Variants in UQCRFS1 observed in about 807,000 individuals in gnomAD.
UQCRFS1 encodes ubiquinol-cytochrome c reductase, Rieske iron-sulfur polypeptide 1, also known as cytochrome b-c1 complex subunit Rieske, mitochondrial.
In UQCRFS1, 6 loss-of-function variants were observed where a neutral mutation model predicts 15.6. The ratio of observed to expected loss-of-function variants is 0.38; its 90% CI spans 0.21 to 0.76. The LOEUF (loss-of-function observed/expected upper bound fraction) is 0.76, where lower values mean the gene tolerates loss of function less well. UQCRFS1 is among the 30% of genes least tolerant of loss of function. The pLI is 0.44. For missense variants in UQCRFS1, 203 were observed against 366.7 expected (o/e 0.55, Z 3.65); for synonymous variants, 105 against 154.3 (o/e 0.68, Z 2.37).
Position 29,213,138 on chromosome 19 carries a change from G to A in UQCRFS1, c.-20C>T. ...CAACATGGCGACAGCCGCTCCAACC[G>A]CCAAGCCGGTCACAGGGACGACCTT... is the stretch of plus-strand genomic sequence containing the variant. On this transcript the variant is annotated 5_prime_UTR_variant, in exon 1 of 2. Transcript: ENST00000304863. 2 of 1,519,536 alleles carry A rather than the reference G, an allele frequency of 1.3e-6. No individual in the cohort carries two copies. The highest frequency in any genetic ancestry group is 1.8e-6 in the Non-Finnish European group (2 of 1,139,572). The allele number at this position is 1,519,536 out of a possible 1,614,324, so 94.1% of individuals were successfully genotyped here. A position where few individuals can be genotyped will look rare whatever the true frequency, so the allele number is the denominator to read the frequency against.
chr19:29,212,768 G>T, intron 1 of UQCRFS1, 137 bp downstream of exon 1: 1 of 932,794 alleles, frequency 1.1e-6, no homozygotes, highest in Non-Finnish European at 1.4e-6. Flanking sequence ...CGGGGGCCAG[G>T]CCCAGAGTTG....
At position 29,211,731 on chromosome 19, in the gene UQCRFS1, T is replaced by C. The variant is rs139735709; in HGVS notation, c.214+1174A>G. On this transcript the variant is annotated intron_variant, in intron 1 of 1. Coordinates refer to ENST00000304863, the MANE Select transcript of UQCRFS1 (RefSeq NM_006003.3). ...TGGGTAAGGAAAACATATGGACATG[T>C]AGCAACTTAGTGGAAGGACCATGAA... 8.0e-3 allele frequency among the ~76,000 whole-genome samples: 1,220 copies of C among 152,246 alleles called. 12 individuals are homozygous for C. The highest frequency in any genetic ancestry group is 0.011 in the Non-Finnish European group (772 of 68,032).
At chr19:29,208,641 G>A (rs910548519) in intron 1 of UQCRFS1, among the ~76,000 whole-genome samples, 1 of 152,010 alleles carries the variant, frequency 6.6e-6, no homozygotes, top group Admixed American at 6.5e-5. Flanking sequence ...CCTTATTAAG[G>A]CAAATGTCTG....
rs112083130 is a variant in UQCRFS1 at position 29,206,264 on chromosome 19, A to G, written c.*1284T>C. ...CTAGAATGGTAAAAATGAAGCAAAG[A>G]CTAGTATCTACTCATAAGCATAGAA... On this transcript the variant is annotated 3_prime_UTR_variant, in exon 2 of 2. Coordinates refer to ENST00000304863, the MANE Select transcript of UQCRFS1 (RefSeq NM_006003.3). 38 of 152,338 alleles carry G rather than the reference A, an allele frequency of 2.5e-4. No individual in the cohort carries two copies. Among genetic ancestry groups the G allele is most frequent in the African/African-American group, 7.9e-4 (33 of 41,574 alleles). 9.4% of individuals were successfully genotyped at this position (152,338 alleles called of 1,614,324 possible). A position where few individuals can be genotyped will look rare whatever the true frequency, so the allele number is the denominator to read the frequency against.
At chr19:29,208,227 A>G in intron 1 of UQCRFS1, 69 bp from the exon 2 acceptor site, 1 of 1,506,602 alleles carries the variant, frequency 6.6e-7, no homozygotes, top group Non-Finnish European at 8.8e-7. Flanking sequence ...ATATCAGGAA[A>G]TAGCCCTTTA....
At chr19:29,212,783 G>A in intron 1 of UQCRFS1, 122 bp downstream of exon 1, 1 of 1,101,134 alleles carries the variant, frequency 9.1e-7, no homozygotes, top group East Asian at 3.3e-5. Flanking sequence ...GAGTTGCGGA[G>A]GCCGCCCAGC....
At chr19:29,211,226 A>C (rs1432304731) in intron 1 of UQCRFS1, among the ~76,000 whole-genome samples, 2 of 152,052 alleles carry the variant, frequency 1.3e-5, no homozygotes, top group Admixed American at 1.3e-4. Context: ...GAAGGACATG[A>C]ACAGACACTT....
intron 1 of UQCRFS1, among the ~76,000 whole-genome samples, chr19:29,211,630 G>C (rs781141062): frequency 3.6e-4 from 55 of 152,228 alleles, no homozygotes; most frequent in Non-Finnish European, 6.6e-4. Flanking sequence ...AGAGTGTAAA[G>C]TGTATGTGCT....
In UQCRFS1 at chr19:29,206,134, AC is replaced by A. The variant is rs1182380069; in HGVS notation, c.*1413del. 1 of 152,006 alleles carries A rather than the reference AC, an allele frequency of 6.6e-6. No homozygotes were observed. Among genetic ancestry groups the A allele is most frequent in the African/African-American group, 2.4e-5 (1 of 41,372 alleles). The allele number at this position is 152,006 out of a possible 1,614,324, so 9.4% of individuals were successfully genotyped here. ...GTTTCACATTCCAACTCTGCCACCA[AC>A]CCTTCCTCCAACCCCCAATCCGAAG... On this transcript the variant is annotated 3_prime_UTR_variant, in exon 2 of 2. Transcript: ENST00000304863.
At chr19:29,208,505 A>C (rs973480372) in intron 1 of UQCRFS1, among the ~76,000 whole-genome samples, 1 of 152,196 alleles carries the variant, frequency 6.6e-6, no homozygotes, top group African/African-American at 2.4e-5. Context: ...GTAATAACTC[A>C]AAGTTTCCGA....
At position 29,206,585 on chromosome 19, in the gene UQCRFS1, T is replaced by C. The variant is rs1246441147; in HGVS notation, c.*963A>G. 1 of 152,212 alleles carries C rather than the reference T, an allele frequency of 6.6e-6. No homozygotes were observed. The highest frequency in any genetic ancestry group is 1.5e-5 in the Non-Finnish European group (1 of 68,042). The allele number at this position is 152,212 out of a possible 1,614,324, so 9.4% of individuals were successfully genotyped here. Reference sequence around the variant, plus strand: ...GTGTAATTGGAGGCAGAATAGGATGTGAATTCCGATGTGCTCTGCGTCTGG... The same window carrying C: ...GTGTAATTGGAGGCAGAATAGGATGCGAATTCCGATGTGCTCTGCGTCTGG... On this transcript the variant is annotated 3_prime_UTR_variant, in exon 2 of 2. Transcript: ENST00000304863.
chr19:29,207,358 G>T lies in UQCRFS1; in HGVS notation c.*190C>A. The T allele has an allele frequency of 2.7e-6, 2 of 747,972 alleles. No individual in the cohort carries two copies. The highest frequency in any genetic ancestry group is 4.2e-6 in the Non-Finnish European group (2 of 474,744). 46.3% of individuals were successfully genotyped at this position (747,972 alleles called of 1,614,324 possible). Reference sequence around the variant, plus strand: ...TGACTGAGCATAACAGTGCTTAACAGTGTCTTTATTAAGTGAATGCCTGAA... The same window carrying T: ...TGACTGAGCATAACAGTGCTTAACATTGTCTTTATTAAGTGAATGCCTGAA... On this transcript the variant is annotated 3_prime_UTR_variant, in exon 2 of 2. Coordinates refer to ENST00000304863, the MANE Select transcript of UQCRFS1 (RefSeq NM_006003.3).
chr19:29,208,315 C>A (rs896063827), intron 1 of UQCRFS1, among the ~76,000 whole-genome samples, 157 bp from the exon 2 acceptor site: 1 of 152,134 alleles, frequency 6.6e-6, no homozygotes. Context: ...GTCAAATTGG[C>A]GGTGCTAGCA....
At chr19:29,211,741 G>A (rs1976652495) in intron 1 of UQCRFS1, among the ~76,000 whole-genome samples, 1 of 152,186 alleles carries the variant, frequency 6.6e-6, no homozygotes, top group Admixed American at 6.6e-5. Flanking sequence ...TAGCAACTTA[G>A]TGGAAGGACC....
In UQCRFS1 at chr19:29,209,634, C is replaced by T. The variant is rs528687126; in HGVS notation, c.215-1476G>A. 5.5e-4 allele frequency among the ~76,000 whole-genome samples: 84 copies of T among 152,210 alleles called. 1 individual carries two copies. Among genetic ancestry groups the T allele is most frequent in the Non-Finnish European group, 1.1e-3 (78 of 68,014 alleles). On this transcript the variant is annotated intron_variant, in intron 1 of 1. Transcript: ENST00000304863. Reference sequence around the variant, plus strand: ...CTGTGGAGTCAAAGTGACATTACATCCTATACTACTACTCTAACAAATAAA... The same window carrying T: ...CTGTGGAGTCAAAGTGACATTACATTCTATACTACTACTCTAACAAATAAA...
chr19:29,213,129 G>A lies in UQCRFS1; in HGVS notation c.-11C>T. 6.6e-7 allele frequency: 1 copy of A among 1,520,456 alleles called. No homozygotes were observed. The highest frequency in any genetic ancestry group is 8.8e-7 in the Non-Finnish European group (1 of 1,140,308). 94.2% of individuals were successfully genotyped at this position (1,520,456 alleles called of 1,614,324 possible). ...TGCTACCGACAACATGGCGACAGCC[G>A]CTCCAACCGCCAAGCCGGTCACAGG... On this transcript the variant is annotated 5_prime_UTR_variant, in exon 1 of 2. Transcript: ENST00000304863.
Position 29,212,921 on chromosome 19 carries a change from G to A in UQCRFS1, c.198C>T (p.Ala66=). Residue 66 remains alanine (A), a synonymous_variant, in exon 1 of 2, where the codon GCC becomes GCT. Coordinates refer to ENST00000304863, the MANE Select transcript of UQCRFS1 (RefSeq NM_006003.3). ...SGQAVRRPLV[A]SVGLNVPASV... ...CCGGCTCACCATTGAGGCCCACGGA[G>A]GCGACCAAAGGCCGGCGCACGGCCT... 7.1e-7 allele frequency: 1 copy of A among 1,417,654 alleles called. No homozygotes were observed. Among genetic ancestry groups the A allele is most frequent in the Non-Finnish European group, 9.1e-7 (1 of 1,098,406 alleles). 87.8% of individuals were successfully genotyped at this position (1,417,654 alleles called of 1,614,324 possible).
rs1334063363 is a variant in UQCRFS1 at position 29,205,647 on chromosome 19, A to T, written c.*1901T>A. The T allele has an allele frequency of 1.3e-5, 2 of 152,204 alleles. No individual in the cohort carries two copies. Among genetic ancestry groups the T allele is most frequent in the Non-Finnish European group, 2.9e-5 (2 of 68,032 alleles). 9.4% of individuals were successfully genotyped at this position (152,204 alleles called of 1,614,324 possible). A position where few individuals can be genotyped will look rare whatever the true frequency, so the allele number is the denominator to read the frequency against. On this transcript the variant is annotated 3_prime_UTR_variant, in exon 2 of 2. Coordinates refer to ENST00000304863, the MANE Select transcript of UQCRFS1 (RefSeq NM_006003.3). ...TAAAATGCAGTAGGTTAATGATCTG[A>T]TGTCAGGGTGCTAGCTGGTCAGGTT...
Position 29,212,887 on chromosome 19 carries a change from G to A in UQCRFS1, c.214+18C>T. ...CGAGAGACCCCCAGCCCTGCTCGCG[G>A]CCCTCGCCCCGGCTCACCATTGAGG... On this transcript the variant is annotated intron_variant, in intron 1 of 1. Coordinates refer to ENST00000304863, the MANE Select transcript of UQCRFS1 (RefSeq NM_006003.3). 2 of 1,425,774 alleles carry A rather than the reference G, an allele frequency of 1.4e-6. No individual in the cohort carries two copies. Among genetic ancestry groups the A allele is most frequent in the South Asian group, 1.4e-5 (1 of 69,016 alleles). 88.3% of individuals were successfully genotyped at this position (1,425,774 alleles called of 1,614,324 possible). A position where few individuals can be genotyped will look rare whatever the true frequency, so the allele number is the denominator to read the frequency against.
Sources: allele counts gnomAD v4.1 joint callset (sites outside exome capture counted in the v4.1 genomes callset), GRCh38; gene constraint gnomAD v4.1.1; transcripts MANE v1.5; gene names NCBI Gene and HGNC (gene_info 2026-07-23, HGNC 2026-07-21).